Variants in PP2D1 observed in about 807,000 individuals in gnomAD.
PP2D1 encodes protein phosphatase 2C-like domain-containing protein 1.
A neutral mutation model predicts 30.2 loss-of-function variants in PP2D1; 25 were observed. The ratio of observed to expected loss-of-function variants is 0.83; its 90% CI spans 0.60 to 1.16. PP2D1 has a LOEUF of 1.16. Among genes scored for constraint, PP2D1 ranks in the 50% most tolerant of loss-of-function variants. The probability of loss-of-function intolerance (pLI) is 0.00; values close to 1 mark genes in which losing one functional copy is unlikely to be tolerated. For synonymous variants in PP2D1, 260 were observed against 258.9 expected, an observed-to-expected ratio of 1.00 and a Z score of -0.04; for missense variants, 760 against 742.4, an observed-to-expected ratio of 1.02 and a Z score of -0.28.
At position 20,001,740 on chromosome 3, in the gene PP2D1, G is replaced by T. The variant is rs773667408; in HGVS notation, c.380C>A (p.Thr127Asn). 7 of 1,531,494 alleles carry T rather than the reference G, an allele frequency of 4.6e-6. No individual in the cohort carries two copies. In the South Asian group the frequency reaches 4.8e-5, roughly 10 times the overall value. 94.9% of individuals were successfully genotyped at this position (1,531,494 alleles called of 1,614,324 possible). ...LLSSFMFTEKTLQSINNAFEL... is the reference protein window; with the variant it reads ...LLSSFMFTEKNLQSINNAFEL... ...AAAAGCATTATTAATGCTCTGTAGG[G>T]TTTTTTCAGTGAACATAAAAGATGA... is the stretch of plus-strand genomic sequence containing the variant. Residue 127 changes from threonine (T) to asparagine (N), a missense_variant, in exon 2 of 3, where the codon ACC becomes AAC. Physicochemically the swap from Thr to Asn is moderately conservative, Grantham distance 65. Coordinates refer to ENST00000389050, the MANE Select transcript of PP2D1 (RefSeq NM_001252657.2).
intron 2 of PP2D1, among the ~76,000 whole-genome samples, chr3:19,988,093 G>C (rs1423181381): frequency 6.6e-6 from 1 of 152,126 alleles, no homozygotes; most frequent in African/African-American, 2.4e-5. Context: ...CATAAACCAT[G>C]TGTGTTTAAA....
At chr3:19,995,108 G>T (rs1697165750) in intron 2 of PP2D1, among the ~76,000 whole-genome samples, 1 of 152,104 alleles carries the variant, frequency 6.6e-6, no homozygotes, top group Non-Finnish European at 1.5e-5. Flanking sequence ...GGATCTAAAA[G>T]GATCAAACTA....
chr3:20,000,808 T>G (rs1178355696), intron 2 of PP2D1, among the ~76,000 whole-genome samples: 1 of 152,244 alleles, frequency 6.6e-6, no homozygotes, highest in Admixed American at 6.5e-5. Flanking sequence ...TTTGTCACAT[T>G]ATATCATATC....
chr3:19,993,231 G>T (rs1251478531), intron 2 of PP2D1, among the ~76,000 whole-genome samples: 1 of 152,064 alleles, frequency 6.6e-6, no homozygotes, highest in Non-Finnish European at 1.5e-5. Context: ...AAAGATATTG[G>T]AATAACAGAT....
At position 20,012,263 on chromosome 3, in the gene PP2D1, A is replaced by G; in HGVS notation, c.-191T>C. Reference sequence around the variant, plus strand: ...TTGATGGTAGAGCTCCCTGTGTGGAATGTTCACTACATCACCTGGAACCTC... The same window carrying G: ...TTGATGGTAGAGCTCCCTGTGTGGAGTGTTCACTACATCACCTGGAACCTC... On this transcript the variant is annotated 5_prime_UTR_variant, in exon 1 of 3. Transcript: ENST00000389050. 1 of 607,574 alleles carries G rather than the reference A, an allele frequency of 1.6e-6. No individual in the cohort carries two copies. Among genetic ancestry groups the G allele is most frequent in the South Asian group, 2.0e-5 (1 of 49,698 alleles). The allele number at this position is 607,574 out of a possible 1,614,324, so 37.6% of individuals were successfully genotyped here.
Position 19,985,850 on chromosome 3 carries a change from G to C in PP2D1, c.1423C>G (p.His475Asp), listed in dbSNP as rs1228201466. The C allele has an allele frequency of 2.6e-6, 4 of 1,536,164 alleles. No homozygotes were observed. Among genetic ancestry groups the C allele is most frequent in the Non-Finnish European group, 2.6e-6 (3 of 1,146,910 alleles). The change falls in exon 3 of 3, where the codon CAC (histidine) becomes GAC (aspartate). Residue 475 changes from histidine to aspartate, a missense_variant. His to Asp is a moderately conservative substitution (Grantham distance 81). This residue lies in a region of PP2D1 where 369 missense variants were observed against 316.2 expected (regional missense o/e 1.17). Transcript: ENST00000389050. ...EVTALAMTTF[H>D]MYKETYCPII... The stretch of plus-strand genomic sequence containing the variant: ...GGACAGTATGTTTCTTTATACATGT[G>C]AAATGTTGTCATTGCCAGGGCAGTA...
At chr3:19,994,820 G>C (rs1411514888) in intron 2 of PP2D1, among the ~76,000 whole-genome samples, 1 of 152,186 alleles carries the variant, frequency 6.6e-6, no homozygotes, top group African/African-American at 2.4e-5. Flanking sequence ...TCTTTCTCAA[G>C]TGAGTCTTTC....
At chr3:20,002,213 T>C in intron 1 of PP2D1, 117 bp from the exon 2 acceptor site, 1 of 641,066 alleles carries the variant, frequency 1.6e-6, no homozygotes, top group Non-Finnish European at 2.7e-6. Flanking sequence ...AAGCCTAGGA[T>C]TAAATATTCT....
chr3:20,011,332 G>GACTATTGGGACAATATA (rs1348500997), intron 1 of PP2D1, among the ~76,000 whole-genome samples: 1 of 152,086 alleles, frequency 6.6e-6, no homozygotes, highest in Non-Finnish European at 1.5e-5. Flanking sequence ...AGCCTTGATG[G>GACTATTGGGACAATATA]ACTATTGGGA....
intron 2 of PP2D1, among the ~76,000 whole-genome samples, chr3:19,994,625 ATATAT>A (rs1473171083): frequency 6.6e-6 from 1 of 152,192 alleles, no homozygotes; most frequent in African/African-American, 2.4e-5. Context: ...TCCCCTAAAC[ATATAT>A]TATATGGAAT....
intron 1 of PP2D1, among the ~76,000 whole-genome samples, chr3:20,006,413 T>G (rs1286958886): frequency 6.6e-6 from 1 of 152,170 alleles, no homozygotes; most frequent in Non-Finnish European, 1.5e-5. Flanking sequence ...TCTGTGGGGC[T>G]TGGTTCCAAG....
chr3:19,990,311 A>T (rs1697100389), intron 2 of PP2D1, among the ~76,000 whole-genome samples: 1 of 151,944 alleles, frequency 6.6e-6, no homozygotes, highest in East Asian at 1.9e-4. Flanking sequence ...CACCTGGCTA[A>T]TTTCTGCATT....
intron 1 of PP2D1, among the ~76,000 whole-genome samples, chr3:20,006,974 C>T (rs1432248059): frequency 1.4e-5 from 2 of 146,584 alleles, no homozygotes; most frequent in Admixed American, 7.0e-5. Flanking sequence ...CATATATATA[C>T]ACACATATAT....
Position 19,997,688 on chromosome 3 carries a change from A to G in PP2D1, c.1090+3342T>C, listed in dbSNP as rs377262830. 3.9e-5 allele frequency among the ~76,000 whole-genome samples: 6 copies of G among 152,350 alleles called. No homozygotes were observed. The East Asian group carries it at 9.6e-4, about 24-fold the overall frequency. On this transcript the variant is annotated intron_variant, in intron 2 of 2. Transcript: ENST00000389050. ...ACGGAATACTATGAAGCCATGAAAA[A>G]GAAGGAAATTCTGTCATTTGTAGCA... is the stretch of plus-strand genomic sequence containing the variant.
At chr3:20,010,680 G>A (rs1575090643) in intron 1 of PP2D1, among the ~76,000 whole-genome samples, 1 of 152,154 alleles carries the variant, frequency 6.6e-6, no homozygotes, top group Middle Eastern at 3.4e-3. Context: ...GTGCGTGACT[G>A]TAATCCCAGC....
chr3:20,009,954 A>AT (rs141528670), intron 1 of PP2D1, among the ~76,000 whole-genome samples: 11 of 151,432 alleles, frequency 7.3e-5, no homozygotes, highest in South Asian at 4.2e-4. Flanking sequence ...CTCACCAACG[A>AT]TTTTTTTTTC....
intron 1 of PP2D1, among the ~76,000 whole-genome samples, chr3:20,011,785 C>T (rs551154640): frequency 3.4e-3 from 510 of 151,624 alleles, no homozygotes; most frequent in Non-Finnish European, 5.7e-3. Flanking sequence ...GGCAACAGAA[C>T]GAGACTCTGT....
intron 2 of PP2D1, among the ~76,000 whole-genome samples, chr3:19,992,363 G>A (rs921295204): frequency 2.6e-5 from 4 of 152,124 alleles, no homozygotes; most frequent in Non-Finnish European, 5.9e-5. Context: ...CAAAAAAAAC[G>A]GAGAAGGGGA....
At chr3:19,981,615 A>C (rs911715568), downstream of PP2D1, among the ~76,000 whole-genome samples, 1 of 93,856 alleles carries the variant, frequency 1.1e-5, no homozygotes, top group Non-Finnish European at 2.1e-5. Flanking sequence ...CTCCGCCTCA[A>C]AAAAAAAAAA....
Sources: allele counts gnomAD v4.1 joint callset (sites outside exome capture counted in the v4.1 genomes callset), GRCh38; gene constraint gnomAD v4.1.1; regional missense constraint gnomAD v4.1.1; transcripts MANE v1.5; gene names NCBI Gene and HGNC (gene_info 2026-07-23, HGNC 2026-07-21).